ZCCHC7: variants seen among roughly 807,000 people sequenced by gnomAD.
ZCCHC7 encodes zinc finger CCHC-type containing 7, also known as zinc finger CCHC domain-containing protein 7.
In ZCCHC7, 35 loss-of-function variants were observed where a neutral mutation model predicts 52.0. The ratio of observed to expected loss-of-function variants is 0.67; its 90% CI spans 0.51 to 0.89. ZCCHC7 has a LOEUF of 0.89. ZCCHC7 is among the 40% of genes least tolerant of loss of function. The probability of loss-of-function intolerance (pLI) is 0.00; values close to 1 mark genes in which losing one functional copy is unlikely to be tolerated. For synonymous variants in ZCCHC7, 217 were observed against 221.5 expected (o/e 0.98, Z 0.18); for missense variants, 574 against 649.1 (o/e 0.88, Z 1.26).
chr9:37,249,456 CTTTTT>C (rs60166399), intron 2 of ZCCHC7, among the ~76,000 whole-genome samples: 1 of 111,266 alleles, frequency 9.0e-6, no homozygotes, highest in African/African-American at 3.7e-5. Flanking sequence ...CTTCTTCTTC[CTTTTT>C]TTTTTTTTTT....
intron 2 of ZCCHC7, among the ~76,000 whole-genome samples, chr9:37,279,521 G>A (rs576178954): frequency 6.6e-6 from 1 of 152,074 alleles, no homozygotes; most frequent in South Asian, 2.1e-4. Context: ...GACGGACAGA[G>A]TAATAAAAAG....
At chr9:37,268,160 T>G (rs1335762381) in intron 2 of ZCCHC7, among the ~76,000 whole-genome samples, 1 of 152,190 alleles carries the variant, frequency 6.6e-6, no homozygotes, top group Non-Finnish European at 1.5e-5. Context: ...TTCCCCACAG[T>G]GCTTAACACA....
intron 2 of ZCCHC7, among the ~76,000 whole-genome samples, chr9:37,222,616 T>TA (rs1219499774): frequency 1.3e-5 from 2 of 152,038 alleles, no homozygotes; most frequent in Non-Finnish European, 2.9e-5. Context: ...AAGTATGACA[T>TA]AAAAAGTTAG....
intron 2 of ZCCHC7, among the ~76,000 whole-genome samples, chr9:37,176,250 T>G (rs1822022244): frequency 6.6e-6 from 1 of 152,142 alleles, no homozygotes; most frequent in Non-Finnish European, 1.5e-5. Context: ...AATTTTTGTA[T>G]TTTTAGTAGA....
chr9:37,133,587 A>T (rs538159300), intron 2 of ZCCHC7, among the ~76,000 whole-genome samples: 3 of 151,736 alleles, frequency 2.0e-5, no homozygotes, highest in East Asian at 3.9e-4. Context: ...TAAAAATTTT[A>T]AAATTTTTAT....
intron 2 of ZCCHC7, among the ~76,000 whole-genome samples, chr9:37,215,827 T>C (rs1037034797): frequency 6.6e-6 from 1 of 152,218 alleles, no homozygotes; most frequent in African/African-American, 2.4e-5. Context: ...AAATAAAAGC[T>C]GTAAAGCCTT....
intron 5 of ZCCHC7, chr9:37,327,062 G>A (rs866640938): frequency 2.2e-4 from 34 of 151,974 alleles, no homozygotes; most frequent in African/African-American, 6.5e-4. Flanking sequence ...ATATGTGTTC[G>A]TAAGAAAATA....
chr9:37,200,510 A>G (rs1314337585), intron 2 of ZCCHC7, among the ~76,000 whole-genome samples: 2 of 151,898 alleles, frequency 1.3e-5, no homozygotes, highest in Non-Finnish European at 1.5e-5. Flanking sequence ...TTCTTTTTCC[A>G]TTTTTCTTCC....
At chr9:37,258,869 A>G (rs1474463907) in intron 2 of ZCCHC7, among the ~76,000 whole-genome samples, 1 of 151,878 alleles carries the variant, frequency 6.6e-6, no homozygotes, top group Non-Finnish European at 1.5e-5. Context: ...ATATTTAAAA[A>G]CCCAGGCTTT....
chr9:37,162,262 G>A (rs1008020629), intron 2 of ZCCHC7, among the ~76,000 whole-genome samples: 4 of 151,800 alleles, frequency 2.6e-5, no homozygotes, highest in South Asian at 4.2e-4. Flanking sequence ...TATTTGACAC[G>A]TTTAAAATGT....
Position 37,327,836 on chromosome 9 carries a change from T to C in ZCCHC7, c.987+2T>C, listed in dbSNP as rs1421795598. ...ATCTGGAGGCAGTATCACCTAACGG[T>C]GAGTAGAAACACCTTTTTTATTTTC... is the stretch of plus-strand genomic sequence containing the variant. On this transcript the variant is annotated splice_donor_variant, in intron 6 of 8. Transcript: ENST00000336755. LOFTEE classifies it high-confidence loss of function. 6.2e-7 allele frequency: 1 copy of C among 1,612,970 alleles called. No homozygotes were observed. The highest frequency in any genetic ancestry group is 1.1e-5 in the South Asian group (1 of 91,004).
chr9:37,257,423 T>C (rs954085750), intron 2 of ZCCHC7, among the ~76,000 whole-genome samples: 1 of 152,160 alleles, frequency 6.6e-6, no homozygotes, highest in Non-Finnish European at 1.5e-5. Context: ...AGAACATACT[T>C]CAGTCAAAAC....
intron 2 of ZCCHC7, among the ~76,000 whole-genome samples, chr9:37,206,384 G>T (rs1823916942): frequency 6.6e-6 from 1 of 151,208 alleles, no homozygotes; most frequent in Admixed American, 6.6e-5. Context: ...TTTTGGCAGG[G>T]TCTCCCTCTG....
chr9:37,293,751 C>T (rs1346391292), intron 2 of ZCCHC7, among the ~76,000 whole-genome samples: 5 of 152,086 alleles, frequency 3.3e-5, no homozygotes, highest in Non-Finnish European at 7.4e-5. Context: ...CCAGGTGGTT[C>T]ACTGACTGAA....
At chr9:37,321,832 A>C (rs766572921) in intron 5 of ZCCHC7, among the ~76,000 whole-genome samples, 14 of 152,184 alleles carry the variant, frequency 9.2e-5, no homozygotes, top group Non-Finnish European at 2.1e-4. Flanking sequence ...ACCTCTTTTG[A>C]GTCTAGTTTA....
chr9:37,281,968 C>G (rs977455588), intron 2 of ZCCHC7, among the ~76,000 whole-genome samples: 2 of 152,148 alleles, frequency 1.3e-5, no homozygotes, highest in Non-Finnish European at 2.9e-5. Flanking sequence ...CCTGCTCCCA[C>G]GTATGGTTCC....
chr9:37,208,638 GC>G (rs1316387988), intron 2 of ZCCHC7, among the ~76,000 whole-genome samples: 2 of 152,230 alleles, frequency 1.3e-5, no homozygotes, highest in Admixed American at 6.5e-5. Flanking sequence ...CACACCAGCA[GC>G]AAAACTTGTC....
At chr9:37,208,226 AG>A (rs543852531) in intron 2 of ZCCHC7, among the ~76,000 whole-genome samples, 102 of 152,302 alleles carry the variant, frequency 6.7e-4, no homozygotes, top group African/African-American at 2.4e-3. Flanking sequence ...CTGAGATTAC[AG>A]GCGTGCACCA....
chr9:37,211,068 G>A (rs531781041), intron 2 of ZCCHC7, among the ~76,000 whole-genome samples: 151 of 152,316 alleles, frequency 9.9e-4, no homozygotes, highest in Non-Finnish European at 1.5e-3. Context: ...AGTTTTGCTG[G>A]TTAGCTGGAA....
Sources: gnomAD v4.1 joint callset for allele counts (sites outside exome capture counted in the v4.1 genomes callset) on GRCh38, gnomAD v4.1.1 for gene constraint, MANE v1.5 for transcripts, NCBI Gene and HGNC (gene_info 2026-07-23, HGNC 2026-07-21) for gene names.